Variants in TANGO6 observed in about 807,000 individuals in gnomAD.
The protein encoded by TANGO6 is transport and Golgi organization protein 6 homolog.
TANGO6 carries 90 observed loss-of-function variants against 114.2 expected under a neutral mutation model. The ratio of observed to expected loss-of-function variants is 0.79; its 90% CI spans 0.66 to 0.94. TANGO6 has a LOEUF of 0.94. Among genes scored for constraint, TANGO6 ranks in the 40% least tolerant of loss-of-function variants. The probability of loss-of-function intolerance (pLI) is 0.00; values close to 1 mark genes in which losing one functional copy is unlikely to be tolerated. For missense variants in TANGO6, 1,274 were observed against 1,315.3 expected, an observed-to-expected ratio of 0.97 and a Z score of 0.49; for synonymous variants, 477 against 509.8, an observed-to-expected ratio of 0.94 and a Z score of 0.87.
chr16:68,971,679 T>C (rs1963706408), intron 14 of TANGO6, among the ~76,000 whole-genome samples: 1 of 152,134 alleles, frequency 6.6e-6, no homozygotes, highest in Non-Finnish European at 1.5e-5. Flanking sequence ...TTGCCTAGGC[T>C]GGAGTGCAAT....
At chr16:69,036,683 C>T (rs982119168) in intron 16 of TANGO6, among the ~76,000 whole-genome samples, 2 of 152,086 alleles carry the variant, frequency 1.3e-5, no homozygotes, top group Admixed American at 6.6e-5. Flanking sequence ...TGGCCTTGAC[C>T]GGGGTGCAGT....
At chr16:68,875,523 T>C (rs1962340373) in intron 5 of TANGO6, among the ~76,000 whole-genome samples, 1 of 152,084 alleles carries the variant, frequency 6.6e-6, no homozygotes, top group Non-Finnish European at 1.5e-5. Context: ...TCTCAGCACT[T>C]TGGGAGGCCG....
At chr16:68,889,460 T>C (rs1962582243) in intron 7 of TANGO6, among the ~76,000 whole-genome samples, 1 of 152,158 alleles carries the variant, frequency 6.6e-6, no homozygotes, top group South Asian at 2.1e-4. Context: ...ACTCTCCCTT[T>C]CTGTGTTTAA....
rs1336892309 is a variant in TANGO6 at position 68,974,108 on chromosome 16, C to CA, written c.2783dup (p.His928GlnfsTer43). 6.2e-7 allele frequency: 1 copy of CA among 1,613,938 alleles called. No individual in the cohort carries two copies. The highest frequency in any genetic ancestry group is 8.5e-7 in the Non-Finnish European group (1 of 1,179,884). On this transcript the variant is annotated frameshift_variant, in exon 15 of 18. Coordinates refer to ENST00000261778, the MANE Select transcript of TANGO6 (RefSeq NM_024562.2). LOFTEE classifies it high-confidence loss of function. ...TCAATATGACAGCAGCAAAGACAAG[C>CA]ACACACCAGAGACCAGAATGAAAGT...
chr16:68,858,195 C>T (rs1165304350), intron 1 of TANGO6, among the ~76,000 whole-genome samples: 1 of 152,010 alleles, frequency 6.6e-6, no homozygotes, highest in Non-Finnish European at 1.5e-5. Flanking sequence ...TCCTGAGTGG[C>T]TGGAATTACA....
intron 13 of TANGO6, among the ~76,000 whole-genome samples, chr16:68,928,913 T>A (rs1211543240): frequency 2.0e-5 from 3 of 152,092 alleles, no homozygotes; most frequent in African/African-American, 7.2e-5. Context: ...AGCTGTTTTT[T>A]GTTTTGTTTT....
intron 12 of TANGO6, among the ~76,000 whole-genome samples, chr16:68,923,682 T>C (rs1963127114): frequency 6.6e-6 from 1 of 152,240 alleles, no homozygotes; most frequent in Non-Finnish European, 1.5e-5. Context: ...CTTTCTGCCA[T>C]ATTTAATAAA....
intron 15 of TANGO6, among the ~76,000 whole-genome samples, chr16:68,983,115 A>G (rs1253878649): frequency 6.6e-6 from 1 of 151,882 alleles, no homozygotes; most frequent in African/African-American, 2.4e-5. Flanking sequence ...TGCTCAAAGT[A>G]CTGGAACTAC....
chr16:68,999,680 A>G (rs1964022215), intron 15 of TANGO6, among the ~76,000 whole-genome samples: 1 of 152,240 alleles, frequency 6.6e-6, no homozygotes, highest in Admixed American at 6.5e-5. Context: ...TTAGAGGAGT[A>G]TACTTTACTC....
intron 11 of TANGO6, among the ~76,000 whole-genome samples, chr16:68,917,970 A>G (rs968357659): frequency 6.9e-6 from 1 of 145,028 alleles, no homozygotes; most frequent in Admixed American, 7.1e-5. Flanking sequence ...CCCAGGCTGG[A>G]GTGTAGTGGT....
intron 16 of TANGO6, among the ~76,000 whole-genome samples, chr16:69,039,542 G>T (rs1170594495): frequency 6.7e-6 from 1 of 148,388 alleles, no homozygotes; most frequent in Non-Finnish European, 1.5e-5. Context: ...AGGCTGAGGT[G>T]GGAGGGTCAC....
chr16:68,856,668 A>G (rs962927616), intron 1 of TANGO6, among the ~76,000 whole-genome samples: 2 of 152,236 alleles, frequency 1.3e-5, no homozygotes, highest in Non-Finnish European at 2.9e-5. Flanking sequence ...CTGATAAACC[A>G]ATGTTGATAC....
chr16:68,995,555 C>T (rs1164001238), intron 15 of TANGO6, among the ~76,000 whole-genome samples: 1 of 152,178 alleles, frequency 6.6e-6, no homozygotes, highest in Non-Finnish European at 1.5e-5. Context: ...GGAAGTGTTC[C>T]GTTCTTTCCA....
At chr16:68,924,667 G>C (rs1963143424) in intron 12 of TANGO6, among the ~76,000 whole-genome samples, 1 of 150,670 alleles carries the variant, frequency 6.6e-6, no homozygotes, top group African/African-American at 2.4e-5. Context: ...GCGGGCACCT[G>C]TCATCCCAGC....
In TANGO6 at chr16:69,060,613, GA is replaced by G. The variant is rs200023422; in HGVS notation, c.3108+20202del. On this transcript the variant is annotated intron_variant, in intron 17 of 17. Coordinates refer to ENST00000261778, the MANE Select transcript of TANGO6 (RefSeq NM_024562.2). ...TGTCTCTTAAAAAAAAAAAGAAAAA[GA>G]AAAAAAAAAGAGGCATGGAACATTG... 8.3e-5 allele frequency among the ~76,000 whole-genome samples: 12 copies of G among 143,782 alleles called. No homozygotes were observed. The South Asian group carries it at 8.8e-4, about 11-fold the overall frequency. 94.3% of individuals were successfully genotyped at this position (143,782 alleles called of 152,430 possible). A position where few individuals can be genotyped will look rare whatever the true frequency, so the allele number is the denominator to read the frequency against.
intron 1 of TANGO6, among the ~76,000 whole-genome samples, chr16:68,852,465 A>T (rs7206802): frequency 0.051 from 7,812 of 152,114 alleles, 283 homozygotes; most frequent in African/African-American, 0.097. Flanking sequence ...CAAAAAAAAA[A>T]TTTAGTTTAT....
chr16:68,878,119 T>C lies in TANGO6; in HGVS notation c.1133T>C (p.Val378Ala), dbSNP rs1962397682. Residue 378 changes from valine to alanine, a missense_variant and splice_region_variant, in exon 6 of 18, where the codon GTT becomes GCT. Val to Ala is a moderately conservative substitution (Grantham distance 64, BLOSUM62 0). Around this residue, in one of 5 missense-constraint regions of TANGO6, gnomAD observed 908 missense variants for 910.2 expected, o/e 1.00. Transcript: ENST00000261778. The part of the protein sequence containing the change: ...ENYYRDICPQ[V>A]LDLFHFQDKL... ...TTACTTCTTGTAGTTTTTTTGTAGG[T>C]TCTGGATTTATTTCACTTTCAAGAT... is the stretch of plus-strand genomic sequence containing the variant. The C allele has an allele frequency of 6.2e-7, 1 of 1,609,352 alleles. No individual in the cohort carries two copies.
chr16:68,997,536 A>C (rs1288101843), intron 15 of TANGO6, among the ~76,000 whole-genome samples: 3 of 152,316 alleles, frequency 2.0e-5, no homozygotes, highest in Non-Finnish European at 4.4e-5. Context: ...CATTATAATC[A>C]GTGTATAATG....
chr16:69,067,709 G>A (rs1597078499), intron 17 of TANGO6, among the ~76,000 whole-genome samples: 1 of 151,812 alleles, frequency 6.6e-6, no homozygotes, highest in South Asian at 2.1e-4. Context: ...AGGCCGAGGC[G>A]GGCGGATCAC....
Sources: gnomAD v4.1 joint callset for allele counts (sites outside exome capture counted in the v4.1 genomes callset) on GRCh38, gnomAD v4.1.1 for gene constraint, gnomAD v4.1.1 regional missense constraint, MANE v1.5 for transcripts, NCBI Gene and HGNC (gene_info 2026-07-23, HGNC 2026-07-21) for gene names.